The following CNTNAP5 variants were observed in gnomAD, a reference collection of about 807,000 sequenced individuals.
CNTNAP5 encodes contactin associated protein family member 5.
In CNTNAP5, 72 loss-of-function variants were observed where a neutral mutation model predicts 150.2. The observed-to-expected ratio is 0.48, with a 90% CI of 0.40 to 0.58. The LOEUF is 0.58. CNTNAP5 is among the 20% of genes least tolerant of loss of function. The pLI, the probability that CNTNAP5 is intolerant of heterozygous loss-of-function variation, is 0.00. For synonymous variants in CNTNAP5, 672 were observed against 619.8 expected, an observed-to-expected ratio of 1.08 and a Z score of -1.25; for missense variants, 1,636 against 1,626.2, an observed-to-expected ratio of 1.01 and a Z score of -0.10.
intron 8 of CNTNAP5, among the ~76,000 whole-genome samples, chr2:124,514,812 T>C (rs146407465): frequency 6.6e-6 from 1 of 152,286 alleles, no homozygotes; most frequent in East Asian, 1.9e-4. Context: ...ACCAGAGGTG[T>C]AAGACTATGG....
chr2:124,304,194 TA>T (rs1370426767), intron 3 of CNTNAP5, among the ~76,000 whole-genome samples: 2 of 152,176 alleles, frequency 1.3e-5, no homozygotes, highest in Non-Finnish European at 2.9e-5. Flanking sequence ...GATAATTGAA[TA>T]AATAACTAGG....
intron 3 of CNTNAP5, among the ~76,000 whole-genome samples, chr2:124,380,302 A>G (rs561038203): frequency 6.6e-6 from 1 of 152,284 alleles, no homozygotes; most frequent in South Asian, 2.1e-4. Context: ...GAAAATTGCC[A>G]GAGCTGGTAC....
At chr2:124,338,228 CTT>C (rs1243830143) in intron 3 of CNTNAP5, among the ~76,000 whole-genome samples, 1 of 152,068 alleles carries the variant, frequency 6.6e-6, no homozygotes, top group African/African-American at 2.4e-5. Context: ...TATCCTGAGA[CTT>C]TGCTGAAGTT....
chr2:124,297,316 G>C (rs930388498), intron 3 of CNTNAP5, among the ~76,000 whole-genome samples: 1 of 152,094 alleles, frequency 6.6e-6, no homozygotes, highest in East Asian at 1.9e-4. Flanking sequence ...GACTTCCGTC[G>C]CAGCACCCCC....
intron 10 of CNTNAP5, among the ~76,000 whole-genome samples, chr2:124,538,606 A>G (rs989273436): frequency 2.6e-5 from 4 of 151,706 alleles, no homozygotes; most frequent in African/African-American, 7.3e-5. Context: ...AGGAAGGAAG[A>G]AAGAAAGGAA....
chr2:124,457,802 A>G (rs1345640625), intron 6 of CNTNAP5, among the ~76,000 whole-genome samples: 2 of 152,342 alleles, frequency 1.3e-5, no homozygotes, highest in African/African-American at 4.8e-5. Flanking sequence ...GCCAACAAAC[A>G]TATGAAAAAA....
chr2:124,748,105 C>G lies in CNTNAP5; in HGVS notation c.2234+720C>G, dbSNP rs1178361386. Among the ~76,000 whole-genome samples the G allele has an allele frequency of 2.0e-5, 3 of 151,880 alleles. No individual in the cohort carries two copies. The East Asian group carries it at 5.8e-4, about 29-fold the overall frequency. ...TTATATAGGCTGTTTCTTCATGCTC[C>G]CATTGATGTTTCAGTCACCAGCCTT... is the stretch of plus-strand genomic sequence containing the variant. On this transcript the variant is annotated intron_variant, in intron 14 of 23. Coordinates refer to ENST00000682447, the MANE Select transcript of CNTNAP5 (RefSeq NM_001367498.1).
chr2:124,315,942 C>T (rs188309535), intron 3 of CNTNAP5, among the ~76,000 whole-genome samples: 7 of 152,276 alleles, frequency 4.6e-5, no homozygotes, highest in African/African-American at 1.7e-4. Context: ...CTCCTTCCTA[C>T]CTGCTGATGT....
intron 13 of CNTNAP5, among the ~76,000 whole-genome samples, chr2:124,703,429 T>G (rs1418754196): frequency 6.6e-6 from 1 of 152,204 alleles, no homozygotes; most frequent in Admixed American, 6.5e-5. Flanking sequence ...TATCTTCTAC[T>G]TTTTAACCTC....
intron 3 of CNTNAP5, among the ~76,000 whole-genome samples, chr2:124,243,841 T>G (rs377100405): frequency 6.6e-6 from 1 of 152,198 alleles, no homozygotes; most frequent in East Asian, 1.9e-4. Context: ...AAATTGTATT[T>G]TGGGGACTAT....
chr2:124,132,694 T>C (rs1359612452), intron 1 of CNTNAP5, among the ~76,000 whole-genome samples: 1 of 152,330 alleles, frequency 6.6e-6, no homozygotes, highest in East Asian at 1.9e-4. Flanking sequence ...GGACTCACTA[T>C]GTGTTAAGCA....
intron 3 of CNTNAP5, among the ~76,000 whole-genome samples, chr2:124,358,723 T>A (rs1283761249): frequency 6.6e-6 from 1 of 152,146 alleles, no homozygotes; most frequent in South Asian, 2.1e-4. Context: ...TTATTGAGGA[T>A]TTTTGCATCA....
intron 13 of CNTNAP5, among the ~76,000 whole-genome samples, chr2:124,687,720 T>A (rs1486767308): frequency 3.9e-5 from 6 of 152,068 alleles, no homozygotes; most frequent in South Asian, 4.1e-4. Context: ...ATAGCTATTT[T>A]CCTTTAGAAC....
At chr2:124,380,174 G>A (rs1452860540) in intron 3 of CNTNAP5, among the ~76,000 whole-genome samples, 2 of 152,086 alleles carry the variant, frequency 1.3e-5, no homozygotes, top group Non-Finnish European at 2.9e-5. Context: ...CTTATTAATA[G>A]CTTAATAGTG....
chr2:124,768,511 AT>A (rs1417071108), intron 16 of CNTNAP5, among the ~76,000 whole-genome samples: 1 of 152,124 alleles, frequency 6.6e-6, no homozygotes, highest in African/African-American at 2.4e-5. Flanking sequence ...TTGTTGAGCA[AT>A]TATTCTGATT....
chr2:124,511,949 T>G (rs1206874632), intron 8 of CNTNAP5, among the ~76,000 whole-genome samples: 1 of 151,652 alleles, frequency 6.6e-6, no homozygotes, highest in African/African-American at 2.4e-5. Flanking sequence ...TTTTGCAACC[T>G]TCCTTAAATG....
chr2:124,868,305 AC>A (rs1387626369), intron 20 of CNTNAP5, among the ~76,000 whole-genome samples: 7 of 151,746 alleles, frequency 4.6e-5, no homozygotes, highest in Non-Finnish European at 2.9e-5. Flanking sequence ...ATTATCTGAC[AC>A]CCCTGCTCAT....
intron 3 of CNTNAP5, among the ~76,000 whole-genome samples, chr2:124,254,592 A>G (rs1687263054): frequency 6.6e-6 from 1 of 152,188 alleles, no homozygotes. Context: ...GAAATTTAAC[A>G]ATGACCAGAT....
At chr2:124,743,432 C>G (rs936009702) in intron 13 of CNTNAP5, among the ~76,000 whole-genome samples, 10 of 152,140 alleles carry the variant, frequency 6.6e-5, no homozygotes, top group African/African-American at 2.4e-4. Context: ...ACCCATCAGC[C>G]CCTCCTGTGA....
Sources: allele counts gnomAD v4.1 joint callset (sites outside exome capture counted in the v4.1 genomes callset), GRCh38; gene constraint gnomAD v4.1.1; transcripts MANE v1.5; gene names NCBI Gene and HGNC (gene_info 2026-07-23, HGNC 2026-07-21).